The following MCM9 variants were observed in gnomAD, a reference collection of about 807,000 sequenced individuals.
MCM9 encodes minichromosome maintenance 9 homologous recombination repair factor, also known as DNA helicase MCM9.
Under a neutral mutation model 72.8 loss-of-function variants are expected in MCM9, and 55 were observed. The ratio of observed to expected loss-of-function variants is 0.76; its 90% CI spans 0.61 to 0.95. The LOEUF is 0.95. Ranked by LOEUF, MCM9 falls within the 40% of genes least tolerant of loss-of-function variation. MCM9 has a pLI of 0.00. For missense variants in MCM9, 1,279 were observed against 1,377.0 expected (o/e 0.93, Z 1.13); for synonymous variants, 480 against 503.4 (o/e 0.95, Z 0.62).
chr6:118,901,964 T>C (rs1216635908), intron 8 of MCM9, among the ~76,000 whole-genome samples: 1 of 152,208 alleles, frequency 6.6e-6, no homozygotes, highest in Non-Finnish European at 1.5e-5. Flanking sequence ...AGCTGCTACC[T>C]TTCCCTCCCC....
Position 118,919,472 on chromosome 6 carries a change from C to CT in MCM9, c.704-1712_704-1711insA, listed in dbSNP as rs560301499. 803 of 152,224 alleles carry CT rather than the reference C, an allele frequency of 5.3e-3. 8 individuals are homozygous for CT. The highest frequency in any genetic ancestry group is 0.019 in the African/African-American group (777 of 41,534). The allele number at this position is 152,224 out of a possible 1,614,324, so 9.4% of individuals were successfully genotyped here. Reference sequence around the variant, plus strand: ...ATTACTTAATGCAGTATCTAGAAGACGGCAAGTGCTCAGTAAATATTAGCT... The same window carrying CT: ...ATTACTTAATGCAGTATCTAGAAGACTGGCAAGTGCTCAGTAAATATTAGCT... On this transcript the variant is annotated intron_variant, in intron 5 of 13. Transcript: ENST00000619706.
intron 13 of MCM9, among the ~76,000 whole-genome samples, chr6:118,816,542 G>A (rs763780278): frequency 1.2e-4 from 19 of 152,148 alleles, no homozygotes; most frequent in Admixed American, 6.6e-4. Flanking sequence ...AAATGAAATC[G>A]GAGATTTGTC....
chr6:118,890,969 T>C (rs1778905707), intron 8 of MCM9, among the ~76,000 whole-genome samples: 1 of 152,244 alleles, frequency 6.6e-6, no homozygotes, highest in Non-Finnish European at 1.5e-5. Context: ...ACTTTTGCAG[T>C]AGACACGGGC....
At position 118,826,204 on chromosome 6, in the gene MCM9, A is replaced by G. The variant is rs1165965491; in HGVS notation, c.1904T>C (p.Ile635Thr). 12 of 1,550,430 alleles carry G rather than the reference A, an allele frequency of 7.7e-6. No individual in the cohort carries two copies. Among genetic ancestry groups the G allele is most frequent in the African/African-American group, 1.4e-5 (1 of 73,048 alleles). Residue 635 changes from isoleucine (I) to threonine (T), a missense_variant, in exon 13 of 14, where the codon ATT (isoleucine) becomes ACT (threonine). By Grantham distance (89) the Ile-to-Thr change is moderately conservative (BLOSUM62 -1). Coordinates refer to ENST00000619706, the MANE Select transcript of MCM9 (RefSeq NM_017696.3). ...GEQYQRQCEL[I>T]LEKLELQSLL... is the part of the protein sequence containing the mutation. ...GCTCTGCAGCTCTAGCTTTTCCAGA[A>G]TAAGTTCACACTGTCTCTGGTACTG...
In MCM9 at chr6:118,906,805, C is replaced by T. The variant is rs73519453; in HGVS notation, c.1150+4845G>A. On this transcript the variant is annotated intron_variant, in intron 8 of 13. Transcript: ENST00000619706. ...GCAGAGTAAATGAAGTTGAACCATG[C>T]AAGAAAAATTACATGACAATAGAAT... 6.4e-3 allele frequency among the ~76,000 whole-genome samples: 982 copies of T among 152,278 alleles called. 10 individuals are homozygous for T. Among genetic ancestry groups the T allele is most frequent in the African/African-American group, 0.022 (906 of 41,554 alleles).
chr6:118,886,426 T>C (rs998443321), intron 8 of MCM9, among the ~76,000 whole-genome samples: 1 of 152,052 alleles, frequency 6.6e-6, no homozygotes, highest in Non-Finnish European at 1.5e-5. Context: ...ACTATCTCTA[T>C]TTACAGATGA....
At chr6:118,918,011 A>G (rs770809002) in intron 5 of MCM9, 61 of 506,146 alleles carry the variant, frequency 1.2e-4, no homozygotes, top group Non-Finnish European at 1.8e-4. Flanking sequence ...CTGCTACATG[A>G]TAATCCTACA....
chr6:118,912,609 A>G (rs1780635744), intron 7 of MCM9: 2 of 152,392 alleles, frequency 1.3e-5, no homozygotes, highest in Non-Finnish European at 2.9e-5. Flanking sequence ...ATACTGTACT[A>G]TATGGTTTTC....
intron 12 of MCM9, 52 bp from the exon 13 acceptor site, chr6:118,826,344 G>A: frequency 6.6e-7 from 1 of 1,525,042 alleles, no homozygotes; most frequent in Non-Finnish European, 8.8e-7. Context: ...CTGCATAGCG[G>A]TAAGTACACT....
chr6:118,872,664 TAAAAA>T (rs201482514), intron 8 of MCM9, among the ~76,000 whole-genome samples: 1 of 149,824 alleles, frequency 6.7e-6, no homozygotes, highest in South Asian at 2.1e-4. Flanking sequence ...TTTAAAAACC[TAAAAA>T]AAAACACACA....
chr6:118,922,025 A>G lies in MCM9; in HGVS notation c.683T>C (p.Leu228Ser), dbSNP rs745783659. Residue 228 changes from leucine (L) to serine (S), a missense_variant, in exon 5 of 14, where the codon TTA becomes TCA. Physicochemically the swap from Leu to Ser is moderately radical, Grantham distance 145. Coordinates refer to ENST00000619706, the MANE Select transcript of MCM9 (RefSeq NM_017696.3). ...RSMKVILEDD[L>S]VDSCKSGDDL... ...CTTACCAGATTTGCAACTATCCACT[A>G]AGTCATCTTCCAGAATAACCTTCAT... The G allele has an allele frequency of 4.3e-6, 7 of 1,612,806 alleles. No homozygotes were observed. The highest frequency in any genetic ancestry group is 5.9e-6 in the Non-Finnish European group (7 of 1,179,390).
intron 13 of MCM9, among the ~76,000 whole-genome samples, chr6:118,824,605 C>T (rs1370897313): frequency 7.2e-5 from 11 of 152,086 alleles, no homozygotes; most frequent in African/African-American, 2.4e-4. Flanking sequence ...CACCGTGCCC[C>T]GCCTGCACTC....
chr6:118,877,173 G>A lies in MCM9; in HGVS notation c.1151-20628C>T, dbSNP rs1394400430. 2.0e-5 allele frequency among the ~76,000 whole-genome samples: 3 copies of A among 152,202 alleles called. 1 individual carries two copies. Among genetic ancestry groups the A allele is most frequent in the Non-Finnish European group, 4.4e-5 (3 of 68,036 alleles). On this transcript the variant is annotated intron_variant, in intron 8 of 13. Transcript: ENST00000619706. ...CACCCAACCTACAGTCAGCACCAAT[G>A]TGCCAAGCATATGAGTAGCTATCTT... is the stretch of plus-strand genomic sequence containing the variant.
chr6:118,895,857 T>C (rs972715570), intron 8 of MCM9, among the ~76,000 whole-genome samples: 3 of 152,120 alleles, frequency 2.0e-5, no homozygotes, highest in Non-Finnish European at 4.4e-5. Context: ...TAAAAACTAG[T>C]TTTTAATCTC....
At chr6:118,853,807 AT>A (rs965358524) in intron 9 of MCM9, among the ~76,000 whole-genome samples, 4 of 151,644 alleles carry the variant, frequency 2.6e-5, no homozygotes, top group Non-Finnish European at 5.9e-5. Flanking sequence ...TCAAAAACAA[AT>A]TTTTTTTTAA....
Position 118,894,625 on chromosome 6 carries a change from C to A in MCM9, c.1150+17025G>T, listed in dbSNP as rs937099223. On this transcript the variant is annotated intron_variant, in intron 8 of 13. Transcript: ENST00000619706. ...CTGGGCGGCTGTGTTCGGCGCCTGG[C>A]GGCCGCGGGCTGCTCTGCGGAGGGA... 4 of 1,015,292 alleles carry A rather than the reference C, an allele frequency of 3.9e-6. No homozygotes were observed. The East Asian group carries it at 7.9e-5, about 20-fold the overall frequency. The allele number at this position is 1,015,292 out of a possible 1,614,324, so 62.9% of individuals were successfully genotyped here.
At chr6:118,891,048 G>A (rs1778910513) in intron 8 of MCM9, among the ~76,000 whole-genome samples, 1 of 152,154 alleles carries the variant, frequency 6.6e-6, no homozygotes, top group Non-Finnish European at 1.5e-5. Context: ...TTCAATTTTA[G>A]TATATTTGAA....
chr6:118,872,180 G>A (rs36137971), intron 8 of MCM9, among the ~76,000 whole-genome samples: 110,561 of 151,592 alleles, frequency 0.73, 41,339 homozygotes, highest in South Asian at 0.83. Flanking sequence ...TTAGCCACGC[G>A]TGGTGGTGGG....
At chr6:118,818,385 A>G (rs573733720) in intron 13 of MCM9, among the ~76,000 whole-genome samples, 1 of 152,328 alleles carries the variant, frequency 6.6e-6, no homozygotes, top group South Asian at 2.1e-4. Flanking sequence ...TTAAATAGGG[A>G]ATCCTTTCCC....
Sources: gnomAD v4.1 joint callset for allele counts (sites outside exome capture counted in the v4.1 genomes callset) on GRCh38, gnomAD v4.1.1 for gene constraint, MANE v1.5 for transcripts, NCBI Gene and HGNC (gene_info 2026-07-23, HGNC 2026-07-21) for gene names.